NALF1: variants seen among roughly 807,000 people sequenced by gnomAD.
NALF1 encodes family with sequence similarity 155 member A.
NALF1 carries 3 observed loss-of-function variants against 48.4 expected under a neutral mutation model. The ratio of observed to expected loss-of-function variants is 0.06; its 90% CI spans 0.03 to 0.16. The LOEUF is 0.16. Ranked by LOEUF, NALF1 falls within the 10% of genes least tolerant of loss-of-function variation. NALF1 has a pLI of 1.00. For missense variants in NALF1, 526 were observed against 571.5 expected (o/e 0.92, Z 0.81); for synonymous variants, 262 against 245.7 (o/e 1.07, Z -0.62).
chr13:107,452,825 A>G (rs1231467830), intron 1 of NALF1, among the ~76,000 whole-genome samples: 4 of 152,244 alleles, frequency 2.6e-5, no homozygotes, highest in South Asian at 2.1e-4. Context: ...CTTCCTAGAT[A>G]CAAAGGGGGT....
intron 1 of NALF1, among the ~76,000 whole-genome samples, chr13:107,467,883 T>A (rs1267094441): frequency 2.0e-5 from 3 of 151,308 alleles, no homozygotes; most frequent in African/African-American, 7.3e-5. Context: ...TACAAAAAAA[T>A]AAATAAATAA....
chr13:107,435,392 G>A (rs924721782), intron 1 of NALF1, among the ~76,000 whole-genome samples: 6 of 152,104 alleles, frequency 3.9e-5, no homozygotes, highest in Admixed American at 1.3e-4. Flanking sequence ...CCCACTTGAG[G>A]TGTTTTCCTT....
At chr13:107,302,386 G>C (rs919474136) in intron 1 of NALF1, among the ~76,000 whole-genome samples, 1 of 152,158 alleles carries the variant, frequency 6.6e-6, no homozygotes, top group African/African-American at 2.4e-5. Context: ...GTATTTGAAG[G>C]CCTCAAATCT....
chr13:107,609,634 C>T (rs531533318), intron 1 of NALF1, among the ~76,000 whole-genome samples: 26 of 152,080 alleles, frequency 1.7e-4, no homozygotes, highest in African/African-American at 5.3e-4. Flanking sequence ...AAGTGACAGA[C>T]GTGTTGTTTT....
At chr13:107,331,442 A>G (rs986190234) in intron 1 of NALF1, among the ~76,000 whole-genome samples, 1 of 152,220 alleles carries the variant, frequency 6.6e-6, no homozygotes, top group Non-Finnish European at 1.5e-5. Context: ...GAGGACACCC[A>G]GTCTCACCGC....
At chr13:107,178,894 G>C (rs181862035) in intron 2 of NALF1, among the ~76,000 whole-genome samples, 2 of 151,698 alleles carry the variant, frequency 1.3e-5, no homozygotes, top group African/African-American at 4.8e-5. Flanking sequence ...GCAGTGAGCC[G>C]CGATCCCGCC....
At chr13:107,673,650 T>A (rs1464900888) in intron 1 of NALF1, among the ~76,000 whole-genome samples, 1 of 152,150 alleles carries the variant, frequency 6.6e-6, no homozygotes, top group Non-Finnish European at 1.5e-5. Context: ...CTAGCAATAA[T>A]ATCTAGTTTC....
At chr13:107,524,621 C>G (rs1300478142) in intron 1 of NALF1, among the ~76,000 whole-genome samples, 1 of 152,060 alleles carries the variant, frequency 6.6e-6, no homozygotes, top group East Asian at 1.9e-4. Flanking sequence ...ATAATTAGCA[C>G]TTGAAACATT....
intron 1 of NALF1, among the ~76,000 whole-genome samples, chr13:107,530,524 G>T (rs951433465): frequency 6.6e-6 from 1 of 151,934 alleles, no homozygotes; most frequent in Non-Finnish European, 1.5e-5. Flanking sequence ...TTTTTTAAAT[G>T]ACAAGATTTT....
At chr13:107,499,196 A>C in intron 1 of NALF1, among the ~76,000 whole-genome samples, 1 of 152,290 alleles carries the variant, frequency 6.6e-6, no homozygotes, top group African/African-American at 2.4e-5. Flanking sequence ...CACCTTATAA[A>C]ATTTATTAAT....
At chr13:107,600,948 T>G (rs1365146995) in intron 1 of NALF1, among the ~76,000 whole-genome samples, 1 of 152,092 alleles carries the variant, frequency 6.6e-6, no homozygotes, top group Non-Finnish European at 1.5e-5. Context: ...GTCAGGGCAA[T>G]CCCAGAGGAA....
At chr13:107,205,285 T>C (rs557306874) in intron 2 of NALF1, among the ~76,000 whole-genome samples, 20 of 152,296 alleles carry the variant, frequency 1.3e-4, no homozygotes, top group Non-Finnish European at 1.9e-4. Flanking sequence ...TCACTGGTCA[T>C]GTGAGGACTG....
At chr13:107,356,619 A>AACT (rs1882967900) in intron 1 of NALF1, among the ~76,000 whole-genome samples, 1 of 151,960 alleles carries the variant, frequency 6.6e-6, no homozygotes, top group East Asian at 1.9e-4. Flanking sequence ...CATTCTCAAG[A>AACT]AATGTGATAT....
intron 1 of NALF1, among the ~76,000 whole-genome samples, chr13:107,815,485 C>A (rs1487041523): frequency 6.6e-6 from 1 of 151,954 alleles, no homozygotes; most frequent in African/African-American, 2.4e-5. Flanking sequence ...AATTAGGATG[C>A]CTATAACCAA....
At chr13:107,508,745 G>A (rs117768772) in intron 1 of NALF1, among the ~76,000 whole-genome samples, 2,008 of 151,750 alleles carry the variant, frequency 0.013, 25 homozygotes, top group Middle Eastern at 0.037. Context: ...CTACGCACAC[G>A]CCCCCAATCT....
At chr13:107,189,777 T>G (rs895311119) in intron 2 of NALF1, among the ~76,000 whole-genome samples, 2 of 152,232 alleles carry the variant, frequency 1.3e-5, no homozygotes, top group Non-Finnish European at 2.9e-5. Flanking sequence ...GTTAGATTAC[T>G]CTCATAAATG....
chr13:107,632,350 G>A (rs1048006763), intron 1 of NALF1, among the ~76,000 whole-genome samples: 2 of 152,096 alleles, frequency 1.3e-5, no homozygotes, highest in African/African-American at 4.8e-5. Flanking sequence ...GGTTTCTGAG[G>A]AAGGAAATAT....
chr13:107,184,074 T>G (rs1248577659), intron 2 of NALF1, among the ~76,000 whole-genome samples: 2 of 151,588 alleles, frequency 1.3e-5, no homozygotes. Flanking sequence ...GCCTCTCAGG[T>G]TCAAGGTTCA....
intron 1 of NALF1, among the ~76,000 whole-genome samples, chr13:107,663,361 C>T (rs1053938093): frequency 3.9e-5 from 6 of 152,232 alleles, no homozygotes; most frequent in Middle Eastern, 3.4e-3. Flanking sequence ...CTTTGTCCTA[C>T]AGCCAAAAAA....
Sources: gnomAD v4.1 joint callset for allele counts (sites outside exome capture counted in the v4.1 genomes callset) on GRCh38, gnomAD v4.1.1 for gene constraint, MANE v1.5 for transcripts, NCBI Gene and HGNC (gene_info 2026-07-23, HGNC 2026-07-21) for gene names.